Variants in BCAR3 observed in about 807,000 individuals in gnomAD.
BCAR3 encodes the protein breast cancer anti-estrogen resistance protein 3.
BCAR3 carries 37 observed loss-of-function variants against 80.1 expected under a neutral mutation model. The observed-to-expected ratio is 0.46, with a 90% confidence interval of 0.36 to 0.61. The LOEUF is 0.61. Ranked by LOEUF, BCAR3 falls within the 20% of genes least tolerant of loss-of-function variation. The probability of loss-of-function intolerance (pLI) is 0.00; values close to 1 mark genes in which losing one functional copy is unlikely to be tolerated. For missense variants in BCAR3, 978 were observed against 1,068.2 expected (o/e 0.92, Z 1.18); for synonymous variants, 389 against 418.9 (o/e 0.93, Z 0.87).
chr1:93,682,244 A>C (rs1648817687), upstream of BCAR3, among the ~76,000 whole-genome samples: 1 of 152,228 alleles, frequency 6.6e-6, no homozygotes, highest in South Asian at 2.1e-4. Flanking sequence ...TTGCACTCGT[A>C]TGGACGTATT....
chr1:93,708,738 G>T (rs893596713), intron 2 of BCAR3, among the ~76,000 whole-genome samples: 1 of 152,112 alleles, frequency 6.6e-6, no homozygotes, highest in Non-Finnish European at 1.5e-5. Context: ...TACAAAAAAA[G>T]ACCATCTCAA....
chr1:93,567,567 C>A, intron 10 of BCAR3, 76 bp from the exon 11 acceptor site: 2 of 1,526,902 alleles, frequency 1.3e-6, no homozygotes. Context: ...ACTCATAGCC[C>A]TTGTCTTGTT....
intron 3 of BCAR3, among the ~76,000 whole-genome samples, chr1:93,624,131 A>G (rs1675390644): frequency 6.6e-6 from 1 of 152,204 alleles, no homozygotes; most frequent in South Asian, 2.1e-4. Context: ...AGCACCTCCC[A>G]GCCAGGGGAA....
intron 2 of BCAR3, among the ~76,000 whole-genome samples, chr1:93,821,293 G>A (rs1045876525): frequency 6.6e-6 from 1 of 152,062 alleles, no homozygotes; most frequent in South Asian, 2.1e-4. Flanking sequence ...TCCTGCAGAG[G>A]CCAGGAGCAA....
Position 93,642,360 on chromosome 1 carries a change from T to A in BCAR3, c.318-17A>T, listed in dbSNP as rs773069309. 25 of 1,607,290 alleles carry A rather than the reference T, an allele frequency of 1.6e-5. No individual in the cohort carries two copies. The highest frequency in any genetic ancestry group is 2.0e-5 in the Non-Finnish European group (24 of 1,173,826). ...TGTGGATCCCTGAAAAGAGAAAATA[T>A]AAATATGAGAATGGTTGGGAACGAT... On this transcript the variant is annotated splice_polypyrimidine_tract_variant and intron_variant, in intron 2 of 11. Transcript: ENST00000260502.
At chr1:93,757,451 A>G (rs928415424) in intron 2 of BCAR3, among the ~76,000 whole-genome samples, 5 of 152,200 alleles carry the variant, frequency 3.3e-5, no homozygotes, top group African/African-American at 1.2e-4. Flanking sequence ...GAGAGAAGCA[A>G]TGACTGGGAG....
intron 1 of BCAR3, chr1:93,680,997 C>G (rs922060011): frequency 2.0e-5 from 3 of 152,404 alleles, no homozygotes; most frequent in Non-Finnish European, 2.9e-5. Context: ...GAGGGAGCAA[C>G]ACAACCAACT....
At chr1:93,720,680 T>C (rs1650361666) in intron 2 of BCAR3, among the ~76,000 whole-genome samples, 1 of 152,210 alleles carries the variant, frequency 6.6e-6, no homozygotes, top group Non-Finnish European at 1.5e-5. Flanking sequence ...TAATAAAAAC[T>C]CAGAATCACT....
At chr1:93,589,478 G>A (rs1032711021) in intron 4 of BCAR3, 59 bp from the exon 5 acceptor site, 2 of 1,431,994 alleles carry the variant, frequency 1.4e-6, no homozygotes, top group Non-Finnish European at 9.5e-7. Context: ...CCTTCTAAAA[G>A]CTTATGGCTA....
intron 3 of BCAR3, among the ~76,000 whole-genome samples, chr1:93,630,948 C>T (rs1017744504): frequency 3.3e-5 from 5 of 152,206 alleles, no homozygotes; most frequent in African/African-American, 1.2e-4. Flanking sequence ...CGGCTAAAAC[C>T]GGGCTCTGGA....
intron 3 of BCAR3, among the ~76,000 whole-genome samples, chr1:93,634,537 CA>C (rs200600750): frequency 0.012 from 1,795 of 151,642 alleles, 36 homozygotes; most frequent in African/African-American, 0.04. Context: ...ACTAAAAATA[CA>C]AAAAAAATTA....
chr1:93,693,223 G>C (rs997279471), intron 3 of BCAR3, among the ~76,000 whole-genome samples: 1 of 152,226 alleles, frequency 6.6e-6, no homozygotes, highest in Non-Finnish European at 1.5e-5. Flanking sequence ...ACCCAGTACA[G>C]GGGAAATTTC....
chr1:93,609,266 G>A (rs532056294), intron 3 of BCAR3, among the ~76,000 whole-genome samples: 9 of 152,250 alleles, frequency 5.9e-5, no homozygotes, highest in African/African-American at 1.7e-4. Flanking sequence ...AAAGACAGTC[G>A]AATATAAGTC....
At chr1:93,572,843 G>A (rs752902920) in intron 8 of BCAR3, among the ~76,000 whole-genome samples, 9 of 152,306 alleles carry the variant, frequency 5.9e-5, no homozygotes, top group South Asian at 4.1e-4. Flanking sequence ...TGCTCTCTCC[G>A]TGCCCAGGTG....
At chr1:93,647,913 C>T (rs923926667) in intron 2 of BCAR3, among the ~76,000 whole-genome samples, 1 of 152,024 alleles carries the variant, frequency 6.6e-6, no homozygotes, top group African/African-American at 2.4e-5. Flanking sequence ...GCTGGGATCG[C>T]AGGCATGCAC....
At chr1:93,837,404 C>A (rs1430556791) in intron 2 of BCAR3, among the ~76,000 whole-genome samples, 1 of 152,070 alleles carries the variant, frequency 6.6e-6, no homozygotes, top group African/African-American at 2.4e-5. Context: ...AATTGATGCA[C>A]CTTCTTTCTT....
At chr1:93,751,002 G>A (rs928919215) in intron 2 of BCAR3, among the ~76,000 whole-genome samples, 5 of 152,150 alleles carry the variant, frequency 3.3e-5, no homozygotes, top group African/African-American at 9.7e-5. Flanking sequence ...TGCAGCCATC[G>A]TAATCAGAAC....
chr1:93,844,974 A>G (rs1195813164), intron 2 of BCAR3, among the ~76,000 whole-genome samples: 5 of 152,130 alleles, frequency 3.3e-5, no homozygotes, highest in Non-Finnish European at 5.9e-5. Flanking sequence ...CTAACACTGT[A>G]TCTCTAATAT....
chr1:93,703,585 A>G (rs888568029), intron 3 of BCAR3, among the ~76,000 whole-genome samples: 12 of 151,988 alleles, frequency 7.9e-5, no homozygotes, highest in Admixed American at 2.0e-4. Flanking sequence ...AAAAAAAAAA[A>G]AGAGATAACC....
Sources: allele counts gnomAD v4.1 joint callset (sites outside exome capture counted in the v4.1 genomes callset), GRCh38; gene constraint gnomAD v4.1.1; transcripts MANE v1.5; gene names NCBI Gene and HGNC (gene_info 2026-07-23, HGNC 2026-07-21).